The following DENND1B variants were observed in gnomAD, a reference collection of about 807,000 sequenced individuals.
The protein encoded by DENND1B is DENN domain containing 1B, also known as DENN domain-containing protein 1B.
DENND1B carries 59 observed loss-of-function variants against 90.1 expected under a neutral mutation model. The ratio of observed to expected loss-of-function variants is 0.65; its 90% confidence interval spans 0.53 to 0.81. DENND1B has a LOEUF of 0.81. Ranked by LOEUF, DENND1B falls within the 40% of genes least tolerant of loss-of-function variation. The probability of loss-of-function intolerance (pLI) is 0.00; values close to 1 mark genes in which losing one functional copy is unlikely to be tolerated. For missense variants in DENND1B, 862 were observed against 912.6 expected (o/e 0.94, Z 0.71); for synonymous variants, 337 against 324.6 (o/e 1.04, Z -0.41).
At chr1:197,515,539 T>G (rs1668335567) in intron 20 of DENND1B, among the ~76,000 whole-genome samples, 1 of 151,812 alleles carries the variant, frequency 6.6e-6, no homozygotes, top group East Asian at 1.9e-4. Flanking sequence ...TGCATTTAAG[T>G]TTTTGTTTAC....
chr1:197,683,703 G>A (rs1245750498), intron 3 of DENND1B, among the ~76,000 whole-genome samples: 1 of 152,062 alleles, frequency 6.6e-6, no homozygotes, highest in Non-Finnish European at 1.5e-5. Flanking sequence ...CCATCAATAA[G>A]CAACTTTATT....
At chr1:197,746,694 G>A (rs1463050409) in intron 2 of DENND1B, 4 of 802,836 alleles carry the variant, frequency 5.0e-6, no homozygotes, top group African/African-American at 1.7e-5. Context: ...GCTGGAAAAC[G>A]TTCTCAGTAA....
In DENND1B at chr1:197,511,987, T is replaced by A. The variant is rs768321831; in HGVS notation, c.1599-43A>T. ...ACGCAGTAGTAGGTAAATAACCATA[T>A]TTGCTGCATGTAAGTAATCTCTCAC... On this transcript the variant is annotated intron_variant, in intron 21 of 22. Transcript: ENST00000620048. The A allele has an allele frequency of 1.6e-4, 238 of 1,465,648 alleles. No individual in the cohort carries two copies. The South Asian group carries it at 2.9e-3, about 18-fold the overall frequency. 90.8% of individuals were successfully genotyped at this position (1,465,648 alleles called of 1,614,324 possible).
intron 2 of DENND1B, among the ~76,000 whole-genome samples, chr1:197,718,752 A>C (rs116090363): frequency 1.6e-3 from 248 of 152,254 alleles, no homozygotes; most frequent in Non-Finnish European, 2.7e-3. Flanking sequence ...TCTAGAGTGA[A>C]GAACCAATAT....
chr1:197,741,313 C>A (rs1185645632), intron 2 of DENND1B, among the ~76,000 whole-genome samples: 1 of 152,086 alleles, frequency 6.6e-6, no homozygotes, highest in Non-Finnish European at 1.5e-5. Flanking sequence ...CCAACTCAAC[C>A]CAACTAAGGA....
intron 3 of DENND1B, chr1:197,690,021 C>T (rs1412867252): frequency 1.3e-5 from 2 of 157,594 alleles, no homozygotes; most frequent in East Asian, 3.8e-4. Context: ...CTGATGTCTA[C>T]AAATTGGTGA....
intron 2 of DENND1B, among the ~76,000 whole-genome samples, chr1:197,771,828 T>C (rs759345702): frequency 1.3e-5 from 2 of 152,166 alleles, no homozygotes; most frequent in Non-Finnish European, 2.9e-5. Context: ...TTTAAGTATC[T>C]AGAAAGACAT....
At chr1:197,599,663 TCA>T (rs1257556397) in intron 13 of DENND1B, among the ~76,000 whole-genome samples, 3 of 151,860 alleles carry the variant, frequency 2.0e-5, no homozygotes, top group African/African-American at 7.2e-5. Context: ...TTTCTAAAGT[TCA>T]GTTTATTAAG....
chr1:197,610,069 T>G (rs989400143), intron 12 of DENND1B, among the ~76,000 whole-genome samples: 2 of 150,760 alleles, frequency 1.3e-5, no homozygotes, highest in African/African-American at 2.4e-5. Context: ...GATATCCAAT[T>G]GTTTTAAAAG....
intron 16 of DENND1B, among the ~76,000 whole-genome samples, chr1:197,548,048 G>C (rs1400503355): frequency 6.6e-6 from 1 of 152,146 alleles, no homozygotes; most frequent in Non-Finnish European, 1.5e-5. Flanking sequence ...ACAAACACCA[G>C]TTTAGCATTC....
chr1:197,636,851 C>G (rs959431774), intron 10 of DENND1B, among the ~76,000 whole-genome samples: 13 of 151,970 alleles, frequency 8.6e-5, no homozygotes, highest in African/African-American at 2.9e-4. Context: ...GTGGGGAAAA[C>G]AGATGAGAGG....
chr1:197,745,641 A>T (rs1394263266), intron 2 of DENND1B, among the ~76,000 whole-genome samples: 1 of 144,992 alleles, frequency 6.9e-6, no homozygotes, highest in African/African-American at 2.5e-5. Flanking sequence ...TATATATATA[A>T]TATATATAAT....
At chr1:197,544,772 G>A (rs551686644) in intron 18 of DENND1B, among the ~76,000 whole-genome samples, 12 of 143,996 alleles carry the variant, frequency 8.3e-5, no homozygotes, top group East Asian at 4.1e-4. Flanking sequence ...GGAAGAGGAC[G>A]AGGAGGAGGA....
At chr1:197,645,882 G>A (rs1375981783) in intron 8 of DENND1B, 139 bp from the exon 9 acceptor site, 1 of 510,138 alleles carries the variant, frequency 2.0e-6, no homozygotes, top group African/African-American at 2.0e-5. Flanking sequence ...TTGAATTTGA[G>A]AGATTCTTAA....
At chr1:197,683,997 A>G (rs1478998451) in intron 3 of DENND1B, among the ~76,000 whole-genome samples, 1 of 152,214 alleles carries the variant, frequency 6.6e-6, no homozygotes, top group African/African-American at 2.4e-5. Flanking sequence ...GGGCCTAATC[A>G]GTGCCTGGCA....
intron 13 of DENND1B, among the ~76,000 whole-genome samples, chr1:197,596,973 G>A (rs1257409481): frequency 6.6e-6 from 1 of 151,780 alleles, no homozygotes; most frequent in Non-Finnish European, 1.5e-5. Flanking sequence ...AAAAATTATT[G>A]AGTTATGTTC....
At chr1:197,608,888 A>G (rs946152403) in intron 12 of DENND1B, among the ~76,000 whole-genome samples, 5 of 150,592 alleles carry the variant, frequency 3.3e-5, no homozygotes, top group African/African-American at 1.2e-4. Flanking sequence ...AGAAAAATAT[A>G]TTCATTTCAA....
At chr1:197,657,539 A>G (rs1653967144) in intron 6 of DENND1B, among the ~76,000 whole-genome samples, 1 of 152,158 alleles carries the variant, frequency 6.6e-6, no homozygotes. Flanking sequence ...ACCACTTTGC[A>G]CATACATTAC....
intron 2 of DENND1B, among the ~76,000 whole-genome samples, chr1:197,763,230 G>A (rs777155462): frequency 6.6e-6 from 1 of 152,162 alleles, no homozygotes; most frequent in Non-Finnish European, 1.5e-5. Context: ...AGGATCCCTG[G>A]AGCCCAGTTC....
Sources: allele counts gnomAD v4.1 joint callset (sites outside exome capture counted in the v4.1 genomes callset), GRCh38; gene constraint gnomAD v4.1.1; transcripts MANE v1.5; gene names NCBI Gene and HGNC (gene_info 2026-07-23, HGNC 2026-07-21).